PCNX1: variants seen among roughly 807,000 people sequenced by gnomAD.
PCNX1 encodes pecanex 1, also known as pecanex-like protein 1.
PCNX1 carries 78 observed loss-of-function variants against 242.2 expected under a neutral mutation model. That is an observed-to-expected ratio of 0.32 (90% CI 0.27 to 0.39). PCNX1 has a LOEUF of 0.39. Among genes scored for constraint, PCNX1 ranks in the 10% least tolerant of loss-of-function variants. PCNX1 has a pLI of 1.00. For missense variants in PCNX1, 2,581 were observed against 2,856.5 expected (o/e 0.90, Z 2.20); for synonymous variants, 1,024 against 1,032.9 (o/e 0.99, Z 0.17).
Position 71,089,228 on chromosome 14 carries a change from A to G in PCNX1, c.5475A>G (p.Leu1825=), listed in dbSNP as rs548840054. Residue 1825 remains leucine (L), a synonymous_variant, in exon 30 of 36, where the codon CTA becomes CTG. Transcript: ENST00000304743. ...LESFLYGLHA[L]FKGDFRISSI... ...CATTCCTCTATGGATTGCATGCCCT[A>G]TTTAAAGGAGATTTCCGTATTTCTT... 30 of 1,611,750 alleles carry G rather than the reference A, an allele frequency of 1.9e-5. No homozygotes were observed. The highest frequency in any genetic ancestry group is 1.3e-4 in the East Asian group (6 of 44,852).
At chr14:71,017,015 C>T (rs1008028747) in intron 11 of PCNX1, among the ~76,000 whole-genome samples, 1 of 152,074 alleles carries the variant, frequency 6.6e-6, no homozygotes, top group African/African-American at 2.4e-5. Flanking sequence ...AGAGGAAAGA[C>T]GTAGATTACC....
chr14:71,088,326 A>T lies in PCNX1; in HGVS notation c.5338-4A>T, dbSNP rs760995732. On this transcript the variant is annotated splice_polypyrimidine_tract_variant and splice_region_variant and intron_variant, in intron 28 of 35. Coordinates refer to ENST00000304743, the MANE Select transcript of PCNX1 (RefSeq NM_014982.3). The stretch of plus-strand genomic sequence containing the variant: ...GATAACTAATGTTTTTTGTTTTTTT[A>T]AAGCCTGTGGATGTGGACAAAGATT... 1.6e-5 allele frequency: 26 copies of T among 1,580,336 alleles called. No homozygotes were observed. In the Admixed American group the frequency reaches 4.2e-4, roughly 26 times the overall value.
chr14:70,922,853 T>A (rs1299533841), intron 1 of PCNX1, among the ~76,000 whole-genome samples: 2 of 152,090 alleles, frequency 1.3e-5, no homozygotes, highest in Non-Finnish European at 2.9e-5. Flanking sequence ...AGCATTAGTT[T>A]ATAAAAATTA....
chr14:71,097,043 A>G (rs567850290), intron 30 of PCNX1, among the ~76,000 whole-genome samples: 2 of 152,254 alleles, frequency 1.3e-5, no homozygotes, highest in East Asian at 3.9e-4. Context: ...TCCATTAGCT[A>G]AAGGCAATTC....
intron 26 of PCNX1, among the ~76,000 whole-genome samples, chr14:71,066,024 T>G (rs1174773365): frequency 1.3e-5 from 2 of 152,224 alleles, no homozygotes; most frequent in Non-Finnish European, 1.5e-5. Flanking sequence ...AGCCTTGTAG[T>G]ATAGTTTGAA....
At chr14:71,025,872 A>AAAAC (rs1163001006) in intron 13 of PCNX1, among the ~76,000 whole-genome samples, 2 of 152,200 alleles carry the variant, frequency 1.3e-5, no homozygotes, top group Non-Finnish European at 2.9e-5. Context: ...CTGTCTCAAA[A>AAAAC]AAACAAACAA....
chr14:71,047,915 A>T lies in PCNX1; in HGVS notation c.4269A>T (p.Lys1423Asn), dbSNP rs552732103. The T allele has an allele frequency of 1.2e-6, 2 of 1,613,392 alleles. No individual in the cohort carries two copies. Among genetic ancestry groups the T allele is most frequent in the South Asian group, 1.1e-5 (1 of 91,052 alleles). The change falls in exon 22 of 36, where the codon AAA becomes AAT. Residue 1423 changes from lysine to asparagine, a missense_variant. Coordinates refer to ENST00000304743, the MANE Select transcript of PCNX1 (RefSeq NM_014982.3). ...TCATCTTTACTGTGCTGTTTTTCAA[A>T]TTTGACTATGAAGCTTTTTCAGAGA... ...VTVIFTVLFFKFDYEAFSETM... is the reference protein window; with the variant it reads ...VTVIFTVLFFNFDYEAFSETM...
chr14:71,034,034 G>C lies in PCNX1; in HGVS notation c.3772G>C (p.Val1258Leu), dbSNP rs1192527549. Residue 1258 changes from valine to leucine, a missense_variant and splice_region_variant, in exon 18 of 36, where the codon GTT (valine) becomes CTT (leucine). Val to Leu is a conservative substitution (Grantham distance 32, BLOSUM62 1). Transcript: ENST00000304743. ...ACTGCCTGAAAAACTTAGAAATTCT[G>C]TTGTAAGTTTTAACATTTAGAATCA... ...DPLPEKLRNS[V>L]SERLQSDLVV... 1 of 1,531,932 alleles carries C rather than the reference G, an allele frequency of 6.5e-7. No individual in the cohort carries two copies. The highest frequency in any genetic ancestry group is 1.4e-5 in the African/African-American group (1 of 72,680). The allele number at this position is 1,531,932 out of a possible 1,614,324, so 94.9% of individuals were successfully genotyped here.
Position 70,977,109 on chromosome 14 carries a change from G to GCCTGTGACACAGAAGTAGCTTCTCTTGTA in PCNX1, c.776_804dup (p.Leu269ValfsTer5). 6.2e-7 allele frequency: 1 copy of GCCTGTGACACAGAAGTAGCTTCTCTTGTA among 1,614,154 alleles called. No homozygotes were observed. Among genetic ancestry groups the GCCTGTGACACAGAAGTAGCTTCTCTTGTA allele is most frequent in the Non-Finnish European group, 8.5e-7 (1 of 1,180,028 alleles). On this transcript the variant is annotated frameshift_variant, in exon 6 of 36. Transcript: ENST00000304743. LOFTEE classifies it high-confidence loss of function. ...CCATGTTGATCAGTCTCTGTCCAGCGCCTGTGACACAGAAGTAGCTTCTCT... is the reference window on the plus strand; with the variant it reads ...CCATGTTGATCAGTCTCTGTCCAGCGCCTGTGACACAGAAGTAGCTTCTCTTGTACCTGTGACACAGAAGTAGCTTCTCT...
chr14:71,033,557 T>TAACA lies in PCNX1; in HGVS notation c.3668+20_3668+21insACAA. ...TACTTTTGTAAGTGAACTCAATTGT[T>TAACA]ATTGAATTAAAAGAAATTTAAGTAA... On this transcript the variant is annotated intron_variant, in intron 17 of 35. Transcript: ENST00000304743. 2 of 1,277,440 alleles carry TAACA rather than the reference T, an allele frequency of 1.6e-6. No individual in the cohort carries two copies. The highest frequency in any genetic ancestry group is 2.3e-6 in the Non-Finnish European group (2 of 885,842). The allele number at this position is 1,277,440 out of a possible 1,614,324, so 79.1% of individuals were successfully genotyped here.
At chr14:70,967,299 T>C (rs561073426) in intron 3 of PCNX1, among the ~76,000 whole-genome samples, 1 of 152,348 alleles carries the variant, frequency 6.6e-6, no homozygotes, top group East Asian at 1.9e-4. Context: ...GAGGAAGATG[T>C]GGTAAAGTAT....
rs77568947 is a variant in PCNX1 at position 71,049,833 on chromosome 14, A to G, written c.4339-819A>G. 9.0e-3 allele frequency among the ~76,000 whole-genome samples: 1,366 copies of G among 152,328 alleles called. 10 individuals carry two copies. Among genetic ancestry groups the G allele is most frequent in the Non-Finnish European group, 0.012 (842 of 68,032 alleles). ...TAAAGGATGAGGTGATTGTTGCTTAATCATGCAGAGGCAATCTTGGACAAG... is the reference window on the plus strand; with the variant it reads ...TAAAGGATGAGGTGATTGTTGCTTAGTCATGCAGAGGCAATCTTGGACAAG... On this transcript the variant is annotated intron_variant, in intron 22 of 35. Coordinates refer to ENST00000304743, the MANE Select transcript of PCNX1 (RefSeq NM_014982.3).
chr14:71,076,684 G>T (rs914299814), intron 28 of PCNX1, among the ~76,000 whole-genome samples: 1 of 152,156 alleles, frequency 6.6e-6, no homozygotes, highest in Admixed American at 6.5e-5. Flanking sequence ...GCATGTACAG[G>T]CATGCACATA....
Position 71,097,303 on chromosome 14 carries a change from A to G in PCNX1, c.5590-4687A>G, listed in dbSNP as rs560593904. On this transcript the variant is annotated intron_variant, in intron 30 of 35. Transcript: ENST00000304743. ...AATGTATGTGTATTTTTGGTAGAAC[A>G]ATTTATTTTCTTTTGGATTTATACC... is the stretch of plus-strand genomic sequence containing the variant. Among the ~76,000 whole-genome samples the G allele has an allele frequency of 3.9e-5, 6 of 152,250 alleles. No homozygotes were observed. The East Asian group carries it at 1.2e-3, about 29-fold the overall frequency.
chr14:71,099,393 C>T lies in PCNX1; in HGVS notation c.5590-2597C>T, dbSNP rs377429547. On this transcript the variant is annotated intron_variant, in intron 30 of 35. Coordinates refer to ENST00000304743, the MANE Select transcript of PCNX1 (RefSeq NM_014982.3). ...CAGGATGGTCTCGATCTCCTGACCT[C>T]GTGATCCACCTGCCTTGGCTTCCCA... Among the ~76,000 whole-genome samples the T allele has an allele frequency of 3.3e-5, 5 of 152,124 alleles. No individual in the cohort carries two copies. The East Asian group carries it at 5.8e-4, about 18-fold the overall frequency.
chr14:71,109,076 G>GC (rs775350088), intron 34 of PCNX1, 30 bp downstream of exon 34: 323 of 1,526,620 alleles, frequency 2.1e-4, no homozygotes, highest in Non-Finnish European at 2.2e-4. Context: ...GTCTTGTGCT[G>GC]TTTTTGTTAC....
intron 28 of PCNX1, among the ~76,000 whole-genome samples, chr14:71,084,345 A>T (rs2061930933): frequency 6.6e-6 from 1 of 152,186 alleles, no homozygotes; most frequent in African/African-American, 2.4e-5. Context: ...CCACTTGAGG[A>T]GGCAGTCTGT....
At chr14:70,927,630 C>A (rs572207699) in intron 1 of PCNX1, among the ~76,000 whole-genome samples, 19 of 151,768 alleles carry the variant, frequency 1.3e-4, no homozygotes, top group African/African-American at 3.6e-4. Flanking sequence ...CACTCTCTTG[C>A]CCAGGCTGGA....
chr14:71,016,887 CA>C (rs1219008550), intron 11 of PCNX1, among the ~76,000 whole-genome samples: 2 of 151,834 alleles, frequency 1.3e-5, no homozygotes, highest in African/African-American at 4.8e-5. Flanking sequence ...AATGAGGAAA[CA>C]GAGAAATAAT....
Sources: gnomAD v4.1 joint callset for allele counts (sites outside exome capture counted in the v4.1 genomes callset) on GRCh38, gnomAD v4.1.1 for gene constraint, MANE v1.5 for transcripts, NCBI Gene and HGNC (gene_info 2026-07-23, HGNC 2026-07-21) for gene names.